TENM4: variants seen among roughly 807,000 people sequenced by gnomAD.
The protein encoded by TENM4 is teneurin-4.
TENM4 carries 82 observed loss-of-function variants against 243.3 expected under a neutral mutation model. The ratio of observed to expected loss-of-function variants is 0.34; its 90% CI spans 0.28 to 0.40. TENM4 has a LOEUF of 0.40. Ranked by LOEUF, TENM4 falls within the 10% of genes least tolerant of loss-of-function variation. The pLI is 1.00. For synonymous variants in TENM4, 1,412 were observed against 1,456.3 expected (o/e 0.97, Z 0.69); for missense variants, 3,138 against 3,673.3 (o/e 0.85, Z 3.77).
intron 11 of TENM4, 38 bp downstream of exon 11, chr11:78,855,926 C>A: frequency 1.3e-6 from 2 of 1,537,826 alleles, no homozygotes; most frequent in Non-Finnish European, 1.8e-6. Flanking sequence ...GAGGTAGGAG[C>A]CCATGCAGAT....
chr11:78,701,766 C>T lies in TENM4; in HGVS notation c.4847G>A (p.Gly1616Asp). 6.2e-7 allele frequency: 1 copy of T among 1,613,968 alleles called. No homozygotes were observed. ...GTTGTCTGTGATGAGTGTGATGTCG[C>T]CGTCCCCAGTGTAGGTGAAGTTGTA... ...YLYNFTYTGDGDITLITDNNG... is the reference protein window; with the variant it reads ...YLYNFTYTGDDDITLITDNNG... The change falls in exon 28 of 34, where the codon GGC (glycine) becomes GAC (aspartate). Residue 1616 changes from glycine (G) to aspartate (D), a missense_variant. Coordinates refer to ENST00000278550, the MANE Select transcript of TENM4 (RefSeq NM_001098816.3).
intron 3 of TENM4, among the ~76,000 whole-genome samples, chr11:79,159,707 T>C (rs1862701469): frequency 6.6e-6 from 1 of 152,206 alleles, no homozygotes; most frequent in African/African-American, 2.4e-5. Context: ...TTGCTGCCGA[T>C]CGCATCTGTC....
intron 2 of TENM4, among the ~76,000 whole-genome samples, chr11:79,287,783 C>T (rs184033531): frequency 1.9e-3 from 293 of 152,236 alleles, no homozygotes; most frequent in Non-Finnish European, 3.3e-3. Context: ...TAGATTCTTC[C>T]CTAGGCAAAA....
chr11:79,260,549 C>T (rs571355298), intron 2 of TENM4, among the ~76,000 whole-genome samples: 1 of 152,266 alleles, frequency 6.6e-6, no homozygotes, highest in South Asian at 2.1e-4. Flanking sequence ...ACCAGGGAAC[C>T]TAGGTCTGTC....
chr11:79,164,270 A>AGTATATATAGTATATAGATATACT lies in TENM4; in HGVS notation c.-162-15488_-162-15465dup, dbSNP rs1862849324. Among the ~76,000 whole-genome samples the AGTATATATAGTATATAGATATACT allele has an allele frequency of 1.6e-5, 2 of 127,094 alleles. 1 individual carries two copies. The highest frequency in any genetic ancestry group is 6.4e-5 in the African/African-American group (2 of 31,084). 83.4% of individuals were successfully genotyped at this position (127,094 alleles called of 152,430 possible). ...AGTATATATAGTATATAGATATACT[A>AGTATATATAGTATATAGATATACT]GTATATATAGTATATAGATATACTA... is the stretch of plus-strand genomic sequence containing the variant. On this transcript the variant is annotated intron_variant, in intron 3 of 33. Transcript: ENST00000278550.
chr11:78,675,726 T>C (rs920809878), intron 30 of TENM4, among the ~76,000 whole-genome samples: 1 of 152,152 alleles, frequency 6.6e-6, no homozygotes, highest in African/African-American at 2.4e-5. Context: ...GCAATAATGG[T>C]AATAAATCAT....
chr11:79,388,959 A>G (rs565927), intron 1 of TENM4, among the ~76,000 whole-genome samples: 96,995 of 151,976 alleles, frequency 0.64, 31,114 homozygotes, highest in African/African-American at 0.71. Context: ...ACTTGGTGTT[A>G]CTGGACAAAG....
At chr11:79,158,421 G>T (rs573621561) in intron 3 of TENM4, among the ~76,000 whole-genome samples, 1 of 152,296 alleles carries the variant, frequency 6.6e-6, no homozygotes, top group South Asian at 2.1e-4. Flanking sequence ...TAGCTACAAG[G>T]TCTCAACAAC....
At position 79,059,457 on chromosome 11, in the gene TENM4, TA is replaced by T. The variant is rs1043410319; in HGVS notation, c.493+5280del. On this transcript the variant is annotated intron_variant, in intron 6 of 33. Transcript: ENST00000278550. The stretch of plus-strand genomic sequence containing the variant: ...CCTTTATTGTCATCATCCAGCTTCT[TA>T]AAAAATTAATATTAATAGCTCCCGT... Among the ~76,000 whole-genome samples, 8 of 152,164 alleles carry T rather than the reference TA, an allele frequency of 5.3e-5. 1 individual carries two copies. Among genetic ancestry groups the T allele is most frequent in the African/African-American group, 1.7e-4 (7 of 41,442 alleles).
intron 1 of TENM4, among the ~76,000 whole-genome samples, chr11:79,406,758 C>G (rs1858582271): frequency 6.6e-6 from 1 of 151,926 alleles, no homozygotes; most frequent in African/African-American, 2.4e-5. Context: ...GCTCCTAAGT[C>G]TTATTTGATA....
chr11:79,219,712 T>C (rs1285359040), intron 2 of TENM4, among the ~76,000 whole-genome samples: 6 of 152,202 alleles, frequency 3.9e-5, no homozygotes, highest in Non-Finnish European at 8.8e-5. Flanking sequence ...CATGACACCA[T>C]GTACCTGACA....
intron 14 of TENM4, among the ~76,000 whole-genome samples, chr11:78,811,302 T>C (rs987493707): frequency 1.3e-5 from 2 of 152,214 alleles, no homozygotes; most frequent in African/African-American, 4.8e-5. Context: ...GGAAGAGTCC[T>C]GGATTTGAAG....
intron 6 of TENM4, among the ~76,000 whole-genome samples, chr11:78,959,811 G>A (rs761026547): frequency 3.9e-5 from 6 of 152,054 alleles, no homozygotes; most frequent in East Asian, 1.9e-4. Context: ...CTTAGAACTC[G>A]CAACAAAGTG....
At chr11:78,844,050 G>A (rs909323595) in intron 12 of TENM4, among the ~76,000 whole-genome samples, 1 of 152,174 alleles carries the variant, frequency 6.6e-6, no homozygotes, top group African/African-American at 2.4e-5. Context: ...ACTGGAGTTG[G>A]ATTCGAAGAC....
At chr11:78,782,736 A>G (rs550484527) in intron 16 of TENM4, among the ~76,000 whole-genome samples, 15 of 151,918 alleles carry the variant, frequency 9.9e-5, no homozygotes, top group African/African-American at 3.6e-4. Context: ...ACTGTACTCC[A>G]GCATGCGCAA....
At chr11:79,085,047 A>G (rs912022267) in intron 4 of TENM4, among the ~76,000 whole-genome samples, 4 of 152,148 alleles carry the variant, frequency 2.6e-5, no homozygotes, top group Non-Finnish European at 5.9e-5. Context: ...CATGTGAACT[A>G]TAATGTTCCC....
At chr11:78,872,853 A>G (rs1359175645) in intron 9 of TENM4, among the ~76,000 whole-genome samples, 1 of 152,196 alleles carries the variant, frequency 6.6e-6, no homozygotes, top group Non-Finnish European at 1.5e-5. Context: ...ATCAAAGTCA[A>G]TTAGGAGGTG....
intron 2 of TENM4, among the ~76,000 whole-genome samples, chr11:79,252,557 T>C (rs1296903964): frequency 6.6e-6 from 1 of 152,158 alleles, no homozygotes; most frequent in Non-Finnish European, 1.5e-5. Flanking sequence ...TACTCTCTAG[T>C]TTGTCGGCCA....
intron 1 of TENM4, among the ~76,000 whole-genome samples, chr11:79,349,980 C>T (rs1006040094): frequency 3.4e-4 from 52 of 152,134 alleles, no homozygotes; most frequent in Admixed American, 2.0e-3. Context: ...ATCAAGTTCT[C>T]GTGTCCCATT....
Sources: allele counts gnomAD v4.1 joint callset (sites outside exome capture counted in the v4.1 genomes callset), GRCh38; gene constraint gnomAD v4.1.1; transcripts MANE v1.5; gene names NCBI Gene and HGNC (gene_info 2026-07-23, HGNC 2026-07-21).